The following NAALADL2 variants were observed in gnomAD, a reference collection of about 807,000 sequenced individuals.
NAALADL2 encodes the protein N-acetylated alpha-linked acidic dipeptidase like 2.
In NAALADL2, 76 loss-of-function variants were observed where a neutral mutation model predicts 87.2. The ratio of observed to expected loss-of-function variants is 0.87; its 90% CI spans 0.72 to 1.05. NAALADL2 has a LOEUF of 1.05. NAALADL2 is among the 50% of genes least tolerant of loss of function. The probability of loss-of-function intolerance (pLI) is 0.00; values close to 1 mark genes in which losing one functional copy is unlikely to be tolerated. For synonymous variants in NAALADL2, 354 were observed against 331.0 expected (o/e 1.07, Z -0.75); for missense variants, 1,089 against 945.8 (o/e 1.15, Z -1.99).
At chr3:174,835,075 A>T (rs866384364) in intron 3 of NAALADL2, among the ~76,000 whole-genome samples, 8 of 152,078 alleles carry the variant, frequency 5.3e-5, no homozygotes, top group African/African-American at 1.9e-4. Flanking sequence ...TAATCAAAAT[A>T]ACATGGTATT....
chr3:175,030,772 A>G (rs1035604231), intron 1 of NAALADL2, among the ~76,000 whole-genome samples: 2 of 152,092 alleles, frequency 1.3e-5, no homozygotes, highest in Non-Finnish European at 1.5e-5. Context: ...TGCAGAGTTT[A>G]CTATTAGCAA....
chr3:175,297,832 G>A (rs1169065048), intron 4 of NAALADL2, among the ~76,000 whole-genome samples: 1 of 151,964 alleles, frequency 6.6e-6, no homozygotes, highest in African/African-American at 2.4e-5. Context: ...AGAAGCAATG[G>A]GCATGCTTTT....
At chr3:174,881,927 G>A (rs1729240299) in intron 1 of NAALADL2, among the ~76,000 whole-genome samples, 1 of 152,046 alleles carries the variant, frequency 6.6e-6, no homozygotes, top group Non-Finnish European at 1.5e-5. Context: ...TTCAGATTTG[G>A]GGAAAGGCCT....
rs115111695 is a variant in NAALADL2, at chr3:174,726,353, C to T, written c.-114-11288C>T. On this transcript the variant is annotated intron_variant, in intron 2 of 3. Coordinates refer to the NAALADL2 transcript ENST00000434257. ...TGGAAAAGCAAAGGCTGTGCAGGTC[C>T]AAGAACTACCAGCGGTTATGTTACA... Among the ~76,000 whole-genome samples, 460 of 152,252 alleles carry T rather than the reference C, an allele frequency of 3.0e-3. 2 individuals are homozygous for T. The highest frequency in any genetic ancestry group is 0.011 in the African/African-American group (441 of 41,538).
At chr3:174,447,519 T>A (rs1715142048) in intron 1 of NAALADL2, among the ~76,000 whole-genome samples, 1 of 152,196 alleles carries the variant, frequency 6.6e-6, no homozygotes, top group African/African-American at 2.4e-5. Context: ...AAATACATGA[T>A]TTTAAAAATA....
intron 3 of NAALADL2, among the ~76,000 whole-genome samples, chr3:174,801,396 G>T (rs997691289): frequency 9.2e-5 from 14 of 152,164 alleles, no homozygotes; most frequent in Non-Finnish European, 1.8e-4. Flanking sequence ...GATGTGACTT[G>T]CTCTTCTTTG....
chr3:175,504,565 T>TTCTCTCTC (rs200985901), intron 9 of NAALADL2, among the ~76,000 whole-genome samples: 85 of 134,414 alleles, frequency 6.3e-4, no homozygotes, highest in South Asian at 1.9e-3. Context: ...CTCTCTCTGT[T>TTCTCTCTC]TCTCTCTCTC....
At chr3:174,900,826 A>C (rs964517854) in intron 1 of NAALADL2, among the ~76,000 whole-genome samples, 3 of 152,082 alleles carry the variant, frequency 2.0e-5, no homozygotes, top group Admixed American at 1.3e-4. Context: ...AAAGCAGAAA[A>C]ATGTTCACTA....
At chr3:175,327,309 C>T (rs1760856274) in intron 5 of NAALADL2, among the ~76,000 whole-genome samples, 1 of 152,026 alleles carries the variant, frequency 6.6e-6, no homozygotes, top group African/African-American at 2.4e-5. Context: ...GCGCCTGCCA[C>T]CATGCCCGGC....
chr3:175,300,679 T>G lies in NAALADL2; in HGVS notation c.940-23496T>G, dbSNP rs569427932. The stretch of plus-strand genomic sequence containing the variant: ...TGTGTCTATTTGATTGTTCTCTCTT[T>G]TCTTCTTTATAGTCTGGCTAGCAGT... On this transcript the variant is annotated intron_variant, in intron 4 of 13. Transcript: ENST00000454872. Among the ~76,000 whole-genome samples, 54 of 151,976 alleles carry G rather than the reference T, an allele frequency of 3.6e-4. 1 individual carries two copies. The highest frequency in any genetic ancestry group is 7.1e-4 in the Non-Finnish European group (48 of 67,950).
intron 2 of NAALADL2, among the ~76,000 whole-genome samples, chr3:175,148,151 G>A (rs1391354878): frequency 2.7e-5 from 4 of 149,500 alleles, no homozygotes; most frequent in African/African-American, 9.8e-5. Context: ...CATTCTGACT[G>A]GTATGAAATG....
At chr3:175,137,288 A>G (rs531760232) in intron 2 of NAALADL2, among the ~76,000 whole-genome samples, 1 of 152,246 alleles carries the variant, frequency 6.6e-6, no homozygotes, top group South Asian at 2.1e-4. Context: ...AATTTTTTTA[A>G]ATGTTTCACC....
intron 2 of NAALADL2, among the ~76,000 whole-genome samples, chr3:174,728,573 G>T (rs2108974621): frequency 6.6e-6 from 1 of 152,102 alleles, no homozygotes; most frequent in African/African-American, 2.4e-5. Flanking sequence ...TCTCTCACCA[G>T]TGTACTTGAA....
intron 1 of NAALADL2, among the ~76,000 whole-genome samples, chr3:174,950,231 C>T (rs1308309397): frequency 2.0e-5 from 3 of 151,950 alleles, no homozygotes; most frequent in Non-Finnish European, 4.4e-5. Flanking sequence ...TTACCAAGGA[C>T]TCTACAAACC....
At chr3:175,662,874 T>C (rs1016965983) in intron 11 of NAALADL2, among the ~76,000 whole-genome samples, 4 of 151,984 alleles carry the variant, frequency 2.6e-5, no homozygotes, top group Admixed American at 6.6e-5. Flanking sequence ...TTTTAATGTG[T>C]TGTTGAATTC....
At position 175,628,623 on chromosome 3, in the gene NAALADL2, A is replaced by G. The variant is rs1268636029; in HGVS notation, c.1896+1237A>G. ...AAATAATCTCTCTCTCTATGTATAT[A>G]TATATATATATATGAATTATTTATA... On this transcript the variant is annotated intron_variant, in intron 11 of 13. Coordinates refer to ENST00000454872, the MANE Select transcript of NAALADL2 (RefSeq NM_207015.3). 4.5e-3 allele frequency among the ~76,000 whole-genome samples: 658 copies of G among 146,524 alleles called. 9 individuals carry two copies. The highest frequency in any genetic ancestry group is 0.015 in the African/African-American group (591 of 40,598).
intron 13 of NAALADL2, among the ~76,000 whole-genome samples, chr3:175,768,153 AT>A (rs1748994142): frequency 6.6e-6 from 1 of 152,108 alleles, no homozygotes; most frequent in East Asian, 1.9e-4. Flanking sequence ...ACGTGTCCAT[AT>A]CAAACAATGG....
intron 2 of NAALADL2, among the ~76,000 whole-genome samples, chr3:175,111,187 A>G (rs956890314): frequency 6.6e-6 from 1 of 151,702 alleles, no homozygotes; most frequent in African/African-American, 2.4e-5. Flanking sequence ...TCTTTGCTCT[A>G]CGGAATATTT....
At chr3:175,487,532 CT>C (rs1188039433) in intron 9 of NAALADL2, 1 of 456,592 alleles carries the variant, frequency 2.2e-6, no homozygotes, top group East Asian at 7.0e-5. Flanking sequence ...CTCCAGGAAC[CT>C]TAGTTCCAGG....
Sources: allele counts gnomAD v4.1 joint callset (sites outside exome capture counted in the v4.1 genomes callset), GRCh38; gene constraint gnomAD v4.1.1; transcripts MANE v1.5; gene names NCBI Gene and HGNC (gene_info 2026-07-23, HGNC 2026-07-21).